LARP4B: variants seen among roughly 807,000 people sequenced by gnomAD.
LARP4B encodes the protein la-related protein 4B.
Under a neutral mutation model 89.8 loss-of-function variants are expected in LARP4B, and 12 were observed. The ratio of observed to expected loss-of-function variants is 0.13; its 90% CI spans 0.09 to 0.22. The LOEUF is 0.22. LARP4B is among the 10% of genes least tolerant of loss of function. The probability of loss-of-function intolerance (pLI) is 1.00; values close to 1 mark genes in which losing one functional copy is unlikely to be tolerated. For missense variants in LARP4B, 757 were observed against 947.7 expected, an observed-to-expected ratio of 0.80 and a Z score of 2.64; for synonymous variants, 367 against 363.3, an observed-to-expected ratio of 1.01 and a Z score of -0.12.
Position 914,085 on chromosome 10 carries a change from TA to T in LARP4B, c.-40+17342del, listed in dbSNP as rs535850115. 4.9e-4 allele frequency among the ~76,000 whole-genome samples: 75 copies of T among 152,292 alleles called. 1 individual carries two copies. In the South Asian group the frequency reaches 0.015, roughly 31 times the overall value. On this transcript the variant is annotated intron_variant, in intron 1 of 17. Transcript: ENST00000316157. ...ATTTATAGGGTACAGAAAAGTTAAA[TA>T]TATTTAGGTTATAAACAAAATATAT... is the stretch of plus-strand genomic sequence containing the variant.
intron 7 of LARP4B, among the ~76,000 whole-genome samples, chr10:841,806 T>G (rs113460166): frequency 0.019 from 2,922 of 152,322 alleles, 107 homozygotes; most frequent in African/African-American, 0.065. Context: ...ATGGTAATTA[T>G]GTTTGTCAGT....
chr10:855,173 A>G (rs889348394), intron 5 of LARP4B, among the ~76,000 whole-genome samples: 1 of 152,170 alleles, frequency 6.6e-6, no homozygotes, highest in East Asian at 1.9e-4. Flanking sequence ...AAGTTTCTCC[A>G]TCTCAGCAAG....
the LARP4B span, among the ~76,000 whole-genome samples, chr10:984,676 C>G: frequency 6.6e-6 from 1 of 152,176 alleles, no homozygotes; most frequent in Non-Finnish European, 1.5e-5. Flanking sequence ...CATATGACCC[C>G]AAGTGCAATC....
rs373554864 is a variant in LARP4B, at chr10:812,990, G to A, written c.2153C>T (p.Ser718Leu). ...DQRRPAGGRP[S>L]PSAMGKRLSR... ...GAGACGCTTCCCCATGGCCGAGGGC[G>A]AGGGCCGGCCCCCCGCCGGCCGCCT... The change falls in exon 18 of 18, where the codon TCG becomes TTG. Residue 718 changes from serine (S) to leucine (L), a missense_variant. Physicochemically the swap from Ser to Leu is moderately radical, Grantham distance 145. Coordinates refer to ENST00000316157, the MANE Select transcript of LARP4B (RefSeq NM_015155.3). 7.8e-5 allele frequency: 123 copies of A among 1,585,890 alleles called. No homozygotes were observed. The highest frequency in any genetic ancestry group is 9.2e-5 in the Non-Finnish European group (108 of 1,173,104).
chr10:815,909 A>T (rs1832024714), intron 15 of LARP4B, among the ~76,000 whole-genome samples: 1 of 151,906 alleles, frequency 6.6e-6, no homozygotes, highest in Non-Finnish European at 1.5e-5. Flanking sequence ...AGGGCAAAGG[A>T]CTCCTTTTGT....
rs550305667 is a variant in LARP4B, at chr10:827,949, C to T, written c.1125+1436G>A. On this transcript the variant is annotated intron_variant, in intron 11 of 17. Coordinates refer to ENST00000316157, the MANE Select transcript of LARP4B (RefSeq NM_015155.3). ...CTCAAAAGAGACAGAAGTAACTTTACCAAAGGTTCTTACACTGCGGTGGTT... is the reference window on the plus strand; with the variant it reads ...CTCAAAAGAGACAGAAGTAACTTTATCAAAGGTTCTTACACTGCGGTGGTT... Among the ~76,000 whole-genome samples, 360 of 152,322 alleles carry T rather than the reference C, an allele frequency of 2.4e-3. 1 individual carries two copies. Among genetic ancestry groups the T allele is most frequent in the South Asian group, 7.5e-3 (36 of 4,828 alleles).
chr10:825,981 A>C, intron 11 of LARP4B, 111 bp from the exon 12 acceptor site: 1 of 725,210 alleles, frequency 1.4e-6, no homozygotes, highest in Non-Finnish European at 2.4e-6. Context: ...TGTCAGAGTC[A>C]TGACCCATGC....
chr10:842,166 A>G (rs1445224677), intron 7 of LARP4B, among the ~76,000 whole-genome samples: 1 of 152,144 alleles, frequency 6.6e-6, no homozygotes, highest in Non-Finnish European at 1.5e-5. Flanking sequence ...TGATGTTGCC[A>G]AACTTCAAAG....
chr10:896,861 T>C lies in LARP4B; in HGVS notation c.-39-11101A>G, dbSNP rs150635228. On this transcript the variant is annotated intron_variant, in intron 1 of 17. Transcript: ENST00000316157. Reference sequence around the variant, plus strand: ...ATGTTCATGGATGGAAAGACATCCATGTTTATGAAGAGGAAGACATCCCAT... The same window carrying C: ...ATGTTCATGGATGGAAAGACATCCACGTTTATGAAGAGGAAGACATCCCAT... Among the ~76,000 whole-genome samples the C allele has an allele frequency of 3.1e-3, 466 of 152,286 alleles. 2 individuals carry two copies. Among genetic ancestry groups the C allele is most frequent in the African/African-American group, 0.01 (427 of 41,558 alleles).
chr10:936,395 G>A (rs903044161), upstream of LARP4B, among the ~76,000 whole-genome samples: 1 of 152,130 alleles, frequency 6.6e-6, no homozygotes, highest in Non-Finnish European at 1.5e-5. Flanking sequence ...GAAGGACACA[G>A]GTGGGAAGAA....
intron 1 of LARP4B, among the ~76,000 whole-genome samples, chr10:922,335 C>T (rs922776662): frequency 1.3e-5 from 2 of 152,164 alleles, no homozygotes; most frequent in East Asian, 1.9e-4. Context: ...ATGATGGGTA[C>T]GGGTCGGACA....
upstream of LARP4B, among the ~76,000 whole-genome samples, chr10:935,187 C>T (rs1223892426): frequency 6.6e-6 from 1 of 152,174 alleles, no homozygotes; most frequent in African/African-American, 2.4e-5. Context: ...GAATAAAATA[C>T]AGACTTTACA....
chr10:815,030 A>G lies in LARP4B; in HGVS notation c.1736T>C (p.Val579Ala), dbSNP rs61731095. 8,744 of 1,606,942 alleles carry G rather than the reference A, an allele frequency of 5.4e-3. 40 individuals are homozygous for G. Among genetic ancestry groups the G allele is most frequent in the Non-Finnish European group, 6.6e-3 (7,812 of 1,175,674 alleles). The change falls in exon 16 of 18, where the codon GTG becomes GCG. Residue 579 changes from valine to alanine, a missense_variant. Physicochemically the swap from Val to Ala is moderately conservative, Grantham distance 64. Coordinates refer to ENST00000316157, the MANE Select transcript of LARP4B (RefSeq NM_015155.3). ...CGGCACCGAGGGCTCTCTGGAGACC[A>G]CTACAGGAAGGGTGTTCACGCTTGC... is the stretch of plus-strand genomic sequence containing the variant. Reference protein sequence around the residue: ...ADASVNTLPVVVSREPSVPAS... With the variant: ...ADASVNTLPVAVSREPSVPAS...
chr10:827,949 C>G (rs550305667), intron 11 of LARP4B, among the ~76,000 whole-genome samples: 2 of 152,206 alleles, frequency 1.3e-5, no homozygotes, highest in Non-Finnish European at 2.9e-5. Flanking sequence ...AGTAACTTTA[C>G]CAAAGGTTCT....
chr10:869,109 G>C (rs1199704703), intron 3 of LARP4B, among the ~76,000 whole-genome samples: 1 of 152,036 alleles, frequency 6.6e-6, no homozygotes, highest in Non-Finnish European at 1.5e-5. Context: ...CTTATCTCGG[G>C]GTTCTGAAAA....
At chr10:813,640 C>A (rs1019796224) in intron 17 of LARP4B, among the ~76,000 whole-genome samples, 1 of 152,148 alleles carries the variant, frequency 6.6e-6, no homozygotes, top group Non-Finnish European at 1.5e-5. Context: ...CAAAAACAGT[C>A]TTTAAATAAA....
At chr10:920,200 G>T (rs1256332441) in intron 1 of LARP4B, among the ~76,000 whole-genome samples, 1 of 152,168 alleles carries the variant, frequency 6.6e-6, no homozygotes, top group Non-Finnish European at 1.5e-5. Flanking sequence ...CGGGATGCTG[G>T]ACTTAAAGAG....
chr10:952,232 TG>T, the LARP4B span, among the ~76,000 whole-genome samples: 1 of 145,140 alleles, frequency 6.9e-6, no homozygotes, highest in African/African-American at 2.6e-5. Context: ...CCCAGCTACT[TG>T]GGAGGCTGAG....
intron 14 of LARP4B, 57 bp downstream of exon 14, chr10:820,743 T>C (rs1192919799): frequency 1.4e-6 from 2 of 1,422,854 alleles, no homozygotes; most frequent in African/African-American, 2.8e-5. Flanking sequence ...AAATCTCAGG[T>C]TTGGTATAAA....
Sources: allele counts gnomAD v4.1 joint callset (sites outside exome capture counted in the v4.1 genomes callset), GRCh38; gene constraint gnomAD v4.1.1; transcripts MANE v1.5; gene names NCBI Gene and HGNC (gene_info 2026-07-23, HGNC 2026-07-21).